The following AKR1C3 variants were observed in gnomAD, a reference collection of about 807,000 sequenced individuals.
AKR1C3 encodes aldo-keto reductase family 1 member C3.
Under a neutral mutation model 43.6 loss-of-function variants are expected in AKR1C3, and 48 were observed. The ratio of observed to expected loss-of-function variants is 1.10; its 90% CI spans 0.87 to 1.40. The LOEUF (loss-of-function observed/expected upper bound fraction) is 1.40. Ranked by LOEUF, AKR1C3 falls within the 40% of genes most tolerant of loss-of-function variation. The probability of loss-of-function intolerance (pLI) is 0.00; values close to 1 mark genes in which losing one functional copy is unlikely to be tolerated. For synonymous variants in AKR1C3, 162 were observed against 139.6 expected (o/e 1.16, Z -1.13); for missense variants, 482 against 391.2 (o/e 1.23, Z -1.96).
intron 6 of AKR1C3, 29 bp downstream of exon 6, chr10:5,102,239 A>C (rs775247600): frequency 3.4e-5 from 54 of 1,599,414 alleles, no homozygotes; most frequent in East Asian, 6.7e-5. Flanking sequence ...CCTTTACATA[A>C]ACCTTCATTT....
At chr10:5,078,098 T>G in intron 1 of AKR1C3, 1 of 586,992 alleles carries the variant, frequency 1.7e-6, no homozygotes. Flanking sequence ...TGATGTCTTT[T>G]GTTTCCAAAG....
In AKR1C3 at chr10:5,098,844, A is replaced by G. The variant is rs781873036; in HGVS notation, c.412A>G (p.Ile138Val). Residue 138 changes from isoleucine to valine, a missense_variant, in exon 4 of 9, where the codon ATA (isoleucine) becomes GTA (valine). Physicochemically the swap from Ile to Val is conservative, Grantham distance 29. Transcript: ENST00000380554. ...LSPTDENGKV[I>V]FDIVDLCTTW... ...ACCAACAGATGAAAATGGAAAAGTA[A>G]TATTTGACATAGTGGATCTCTGTAC... 8 of 1,613,934 alleles carry G rather than the reference A, an allele frequency of 5.0e-6. No homozygotes were observed. The East Asian group carries it at 1.8e-4, about 36-fold the overall frequency.
intron 1 of AKR1C3, among the ~76,000 whole-genome samples, chr10:5,071,497 C>A (rs1838611752): frequency 6.6e-6 from 1 of 152,124 alleles, no homozygotes; most frequent in Non-Finnish European, 1.5e-5. Flanking sequence ...ACAGACCACC[C>A]CACACAGTGG....
chr10:5,059,896 G>A lies in AKR1C3; in HGVS notation c.84+11001G>A, dbSNP rs529830198. ...TCACTGACTTCAAGAATGAAGCCGC[G>A]GACCCTCGCAGTGAGTGTTACAGTT... On this transcript the variant is annotated intron_variant, in intron 1 of 8. Coordinates refer to the AKR1C3 transcript ENST00000439082. 3.3e-4 allele frequency among the ~76,000 whole-genome samples: 50 copies of A among 152,222 alleles called. No individual in the cohort carries two copies. The South Asian group carries it at 9.5e-3, about 29-fold the overall frequency.
Position 5,050,297 on chromosome 10 carries a change from A to T in AKR1C3, c.84+1402A>T, listed in dbSNP as rs182107966. Among the ~76,000 whole-genome samples the T allele has an allele frequency of 4.6e-4, 70 of 152,358 alleles. 1 individual carries two copies. Among genetic ancestry groups the T allele is most frequent in the Admixed American group, 4.2e-3 (65 of 15,306 alleles). On this transcript the variant is annotated intron_variant, in intron 1 of 8. Transcript: ENST00000439082. ...GGAGTGAATAGGAGCACTTGGATTT[A>T]ATTTTCTGCAATATGGAGATCTCAA...
At chr10:5,069,221 A>T (rs187913772) in intron 1 of AKR1C3, among the ~76,000 whole-genome samples, 79 of 152,328 alleles carry the variant, frequency 5.2e-4, no homozygotes, top group African/African-American at 1.8e-3. Context: ...TTTTGCAAGC[A>T]TGTCTGGTTT....
At position 5,098,868 on chromosome 10, in the gene AKR1C3, A is replaced by G. The variant is rs1554785553; in HGVS notation, c.436A>G (p.Thr146Ala). The change falls in exon 4 of 9, where the codon ACC becomes GCC. Residue 146 changes from threonine to alanine, a missense_variant. Coordinates refer to ENST00000380554, the MANE Select transcript of AKR1C3 (RefSeq NM_003739.6). ...KVIFDIVDLCTTWEAMEKCKD... is the reference protein window; with the variant it reads ...KVIFDIVDLCATWEAMEKCKD... ...AATATTTGACATAGTGGATCTCTGT[A>G]CCACCTGGGAGGTGAGTGCTTGGCG... 5 of 1,613,142 alleles carry G rather than the reference A, an allele frequency of 3.1e-6. No homozygotes were observed. The African/African-American group carries it at 5.3e-5, about 17-fold the overall frequency.
At chr10:5,057,967 C>T (rs1330939721) in intron 1 of AKR1C3, among the ~76,000 whole-genome samples, 1 of 152,094 alleles carries the variant, frequency 6.6e-6, no homozygotes, top group Non-Finnish European at 1.5e-5. Context: ...CTGAAAACTT[C>T]CCCAGGTCTG....
intron 7 of AKR1C3, 116 bp from the exon 8 acceptor site, chr10:5,105,479 T>C (rs1270515105): frequency 5.4e-6 from 4 of 744,930 alleles, no homozygotes; most frequent in African/African-American, 3.5e-5. Flanking sequence ...CTGACTTCTA[T>C]AACTGTTTAA....
intron 1 of AKR1C3, among the ~76,000 whole-genome samples, chr10:5,059,223 A>T (rs1189731427): frequency 6.6e-6 from 1 of 152,208 alleles, no homozygotes; most frequent in African/African-American, 2.4e-5. Flanking sequence ...AAGGTAACAG[A>T]GTTGATACTA....
chr10:5,097,478 G>GAA lies in AKR1C3; in HGVS notation c.297_298insAA (p.Glu100LysfsTer5), dbSNP rs1554785317. On this transcript the variant is annotated frameshift_variant, in exon 3 of 9. Transcript: ENST00000380554. LOFTEE classifies it high-confidence loss of function. Reference sequence around the variant, plus strand: ...GACCAGAGTTGGTCCGACCAGCCTTGGAAAACTCACTGAAGAAAGCTCAAT... The same window carrying GAA: ...GACCAGAGTTGGTCCGACCAGCCTTGAAGAAAACTCACTGAAGAAAGCTCAAT... 1 of 1,613,664 alleles carries GAA rather than the reference G, an allele frequency of 6.2e-7. No homozygotes were observed. Among genetic ancestry groups the GAA allele is most frequent in the East Asian group, 2.2e-5 (1 of 44,878 alleles).
At chr10:5,065,571 ATATT>A (rs1406223386) in intron 1 of AKR1C3, among the ~76,000 whole-genome samples, 1 of 152,188 alleles carries the variant, frequency 6.6e-6, no homozygotes, top group Non-Finnish European at 1.5e-5. Context: ...GCAAAAGGAG[ATATT>A]TATTCGAAAT....
intron 1 of AKR1C3, among the ~76,000 whole-genome samples, chr10:5,057,085 G>A (rs1013458382): frequency 6.6e-6 from 1 of 152,218 alleles, no homozygotes; most frequent in Non-Finnish European, 1.5e-5. Flanking sequence ...GGATCATCTG[G>A]TTGGGGGCTT....
intron 1 of AKR1C3, among the ~76,000 whole-genome samples, chr10:5,089,394 G>A (rs935605837): frequency 6.6e-6 from 1 of 151,924 alleles, no homozygotes; most frequent in South Asian, 2.1e-4. Flanking sequence ...TTGTAGATTT[G>A]ATGGCTTTAT....
intron 1 of AKR1C3, among the ~76,000 whole-genome samples, chr10:5,082,923 C>T (rs904694413): frequency 1.3e-5 from 2 of 152,018 alleles, no homozygotes; most frequent in Middle Eastern, 3.2e-3. Flanking sequence ...TCTGGTCCCA[C>T]GCTATTTTTC....
intron 1 of AKR1C3, among the ~76,000 whole-genome samples, chr10:5,079,700 C>G (rs535960122): frequency 6.6e-6 from 1 of 152,060 alleles, no homozygotes; most frequent in Non-Finnish European, 1.5e-5. Flanking sequence ...TCTCTCTCCC[C>G]CATTACCTGA....
At chr10:5,104,523 T>TCTAA (rs1394749222) in intron 7 of AKR1C3, among the ~76,000 whole-genome samples, 1 of 139,816 alleles carries the variant, frequency 7.2e-6, no homozygotes, top group South Asian at 2.1e-4. Flanking sequence ...CAACTTTTTT[T>TCTAA]CTAACTCTTT....
At chr10:5,100,473 G>C (rs1386664222) in intron 5 of AKR1C3, among the ~76,000 whole-genome samples, 2 of 152,110 alleles carry the variant, frequency 1.3e-5, no homozygotes, top group South Asian at 4.1e-4. Flanking sequence ...TCTATGCATG[G>C]TTTTTTCATA....
intron 1 of AKR1C3, among the ~76,000 whole-genome samples, chr10:5,063,943 C>T (rs1383273479): frequency 4.6e-5 from 7 of 151,936 alleles, no homozygotes; most frequent in Admixed American, 2.6e-4. Context: ...GTCATTGCCT[C>T]GCCAACTACG....
Sources: allele counts gnomAD v4.1 joint callset (sites outside exome capture counted in the v4.1 genomes callset), GRCh38; gene constraint gnomAD v4.1.1; transcripts MANE v1.5; gene names NCBI Gene and HGNC (gene_info 2026-07-23, HGNC 2026-07-21).